The following GNA12 variants were observed in gnomAD, a reference collection of about 807,000 sequenced individuals.
GNA12 encodes guanine nucleotide-binding protein subunit alpha-12.
GNA12 carries 9 observed loss-of-function variants against 26.0 expected under a neutral mutation model. The observed-to-expected ratio is 0.35, with a 90% CI of 0.21 to 0.60. GNA12 has a LOEUF of 0.60. GNA12 is among the 20% of genes least tolerant of loss of function. The probability of loss-of-function intolerance (pLI) is 0.78; values close to 1 mark genes in which losing one functional copy is unlikely to be tolerated. For synonymous variants in GNA12, 264 were observed against 219.6 expected (o/e 1.20, Z -1.79); for missense variants, 405 against 525.8 (o/e 0.77, Z 2.25).
intron 1 of GNA12, among the ~76,000 whole-genome samples, chr7:2,839,296 C>T (rs747987981): frequency 2.0e-5 from 3 of 152,004 alleles, no homozygotes; most frequent in African/African-American, 7.2e-5. Context: ...TGCAGTGGCA[C>T]GATGTTGGCT....
intron 2 of GNA12, among the ~76,000 whole-genome samples, chr7:2,743,077 C>A (rs1790591271): frequency 6.6e-6 from 1 of 152,092 alleles, no homozygotes; most frequent in Non-Finnish European, 1.5e-5. Flanking sequence ...ACCAGGACTG[C>A]CAAGGGGTAA....
intron 2 of GNA12, chr7:2,762,993 A>C (rs943145790): frequency 2.1e-5 from 27 of 1,299,258 alleles, no homozygotes; most frequent in Non-Finnish European, 2.2e-5. Flanking sequence ...CTTGTGTGCT[A>C]CTGTGGTCGC....
At chr7:2,762,476 C>T (rs1281022485) in intron 2 of GNA12, 4 of 674,216 alleles carry the variant, frequency 5.9e-6, no homozygotes, top group Non-Finnish European at 4.7e-6. Flanking sequence ...TGAACCCACC[C>T]GTGTGCGGGG....
intron 2 of GNA12, among the ~76,000 whole-genome samples, chr7:2,751,386 T>G (rs1791029223): frequency 7.1e-6 from 1 of 140,162 alleles, no homozygotes; most frequent in Admixed American, 7.2e-5. Context: ...GCAAGACCGT[T>G]TCAAAGAAAA....
chr7:2,819,852 C>A (rs1338709500), intron 1 of GNA12, among the ~76,000 whole-genome samples: 2 of 152,148 alleles, frequency 1.3e-5, no homozygotes, highest in Admixed American at 1.3e-4. Flanking sequence ...CATAAAGCAA[C>A]CATTTGACTC....
chr7:2,807,000 C>T (rs1461929799), intron 1 of GNA12, among the ~76,000 whole-genome samples: 1 of 152,306 alleles, frequency 6.6e-6, no homozygotes, highest in East Asian at 1.9e-4. Context: ...AAGGTTCTGC[C>T]AATTTACACA....
chr7:2,839,257 AG>A (rs775076951), intron 1 of GNA12, among the ~76,000 whole-genome samples: 1 of 151,968 alleles, frequency 6.6e-6, no homozygotes, highest in African/African-American at 2.4e-5. Flanking sequence ...TTTTTGAGGC[AG>A]GATCTTACTC....
At chr7:2,791,735 G>A (rs1792524366) in intron 2 of GNA12, among the ~76,000 whole-genome samples, 1 of 152,126 alleles carries the variant, frequency 6.6e-6, no homozygotes, top group Non-Finnish European at 1.5e-5. Flanking sequence ...CAGGGGTGGG[G>A]GAGGGAGCCC....
chr7:2,803,328 G>A (rs950772907), intron 1 of GNA12, among the ~76,000 whole-genome samples: 1 of 152,132 alleles, frequency 6.6e-6, no homozygotes, highest in Non-Finnish European at 1.5e-5. Context: ...GTGAGAAAGG[G>A]GACGATCGAG....
At chr7:2,764,146 C>T (rs1052310138) in intron 2 of GNA12, among the ~76,000 whole-genome samples, 2 of 152,110 alleles carry the variant, frequency 1.3e-5, no homozygotes, top group Non-Finnish European at 2.9e-5. Flanking sequence ...TCATGGCTCA[C>T]TGCAGCCTCA....
chr7:2,764,244 CTTTTT>C (rs35992308), intron 2 of GNA12, among the ~76,000 whole-genome samples: 175 of 139,340 alleles, frequency 1.3e-3, no homozygotes, highest in African/African-American at 3.8e-3. Flanking sequence ...CAGCTAATTT[CTTTTT>C]TTTTTTTTTT....
chr7:2,801,223 G>T (rs1015388702), intron 1 of GNA12, among the ~76,000 whole-genome samples: 1 of 152,124 alleles, frequency 6.6e-6, no homozygotes, highest in African/African-American at 2.4e-5. Flanking sequence ...CAGAAATTGG[G>T]TCCGACCCAC....
chr7:2,828,521 T>C (rs1189048888), intron 1 of GNA12, among the ~76,000 whole-genome samples: 1 of 152,014 alleles, frequency 6.6e-6, no homozygotes, highest in Non-Finnish European at 1.5e-5. Flanking sequence ...ATCCAGCCGG[T>C]ATTGTTATAT....
intron 1 of GNA12, among the ~76,000 whole-genome samples, chr7:2,796,003 T>G (rs1219049991): frequency 2.0e-5 from 3 of 151,930 alleles, no homozygotes; most frequent in African/African-American, 7.3e-5. Flanking sequence ...TATTTTTAGC[T>G]GAGATTACAG....
intron 2 of GNA12, among the ~76,000 whole-genome samples, chr7:2,792,088 G>A (rs1424878619): frequency 6.6e-6 from 1 of 152,142 alleles, no homozygotes; most frequent in Non-Finnish European, 1.5e-5. Flanking sequence ...CCCACCTGTG[G>A]CCACCTTACC....
rs1562409543 is a variant in GNA12 at position 2,757,128 on chromosome 7, C to CTTTTTTTTTTTTTTTTTTTTTTT, written c.526-23628_526-23627insAAAAAAAAAAAAAAAAAAAAAAA. 1.7e-5 allele frequency among the ~76,000 whole-genome samples: 2 copies of CTTTTTTTTTTTTTTTTTTTTTTT among 115,136 alleles called. 1 individual carries two copies. 75.5% of individuals were successfully genotyped at this position (115,136 alleles called of 152,430 possible). On this transcript the variant is annotated intron_variant, in intron 2 of 3. Coordinates refer to ENST00000275364, the MANE Select transcript of GNA12 (RefSeq NM_007353.3). ...GGCAGGCCCGATCTAATCAGGTGGG[C>CTTTTTTTTTTTTTTTTTTTTTTT]CTTTTTTTTTTTTTTTTTTTTTTTT... is the stretch of plus-strand genomic sequence containing the variant.
At chr7:2,837,944 C>T (rs1007499816) in intron 1 of GNA12, among the ~76,000 whole-genome samples, 1 of 151,978 alleles carries the variant, frequency 6.6e-6, no homozygotes, top group Non-Finnish European at 1.5e-5. Context: ...CTGAAGTAAA[C>T]CACCTGATGT....
Position 2,729,068 on chromosome 7 carries a change from C to T in GNA12, c.*2113G>A, listed in dbSNP as rs560734635. ...GAAAACAAGCACTCATTGACAAGGC[C>T]GGACTACTCAGGAAGGTGTTTCAAA... On this transcript the variant is annotated 3_prime_UTR_variant, in exon 4 of 4. Coordinates refer to ENST00000275364, the MANE Select transcript of GNA12 (RefSeq NM_007353.3). 6.6e-5 allele frequency: 10 copies of T among 152,388 alleles called. No individual in the cohort carries two copies. The highest frequency in any genetic ancestry group is 3.3e-4 in the Admixed American group (5 of 15,286). 9.4% of individuals were successfully genotyped at this position (152,388 alleles called of 1,614,324 possible).
intron 1 of GNA12, among the ~76,000 whole-genome samples, chr7:2,825,099 A>G (rs1285561257): frequency 6.6e-6 from 1 of 152,212 alleles, no homozygotes; most frequent in Non-Finnish European, 1.5e-5. Flanking sequence ...CCACCAAAAG[A>G]CAGGTTACAA....
Sources: allele counts gnomAD v4.1 joint callset (sites outside exome capture counted in the v4.1 genomes callset), GRCh38; gene constraint gnomAD v4.1.1; transcripts MANE v1.5; gene names NCBI Gene and HGNC (gene_info 2026-07-23, HGNC 2026-07-21).